Variants in B3GALNT2 observed in about 807,000 individuals in gnomAD.
The protein encoded by B3GALNT2 is beta-1,3-N-acetylgalactosaminyltransferase 2, also known as UDP-GalNAc:beta-1,3-N-acetylgalactosaminyltransferase 2.
In B3GALNT2, 53 loss-of-function variants were observed where a neutral mutation model predicts 61.1. That is an observed-to-expected ratio of 0.87 (90% confidence interval 0.70 to 1.09). The LOEUF is 1.09. Ranked by LOEUF, B3GALNT2 falls within the 50% of genes least tolerant of loss-of-function variation. The pLI, the probability that B3GALNT2 is intolerant of heterozygous loss-of-function variation, is 0.00. For missense variants in B3GALNT2, 544 were observed against 623.0 expected (o/e 0.87, Z 1.35); for synonymous variants, 223 against 237.4 (o/e 0.94, Z 0.56).
chr1:235,500,484 T>C (rs1685535765), intron 1 of B3GALNT2, among the ~76,000 whole-genome samples: 1 of 152,068 alleles, frequency 6.6e-6, no homozygotes, highest in Non-Finnish European at 1.5e-5. Flanking sequence ...TGCCTCAAAA[T>C]AATAATCAAA....
intron 7 of B3GALNT2, among the ~76,000 whole-genome samples, chr1:235,462,990 A>G (rs1349920713): frequency 6.6e-6 from 1 of 152,276 alleles, no homozygotes; most frequent in African/African-American, 2.4e-5. Context: ...AATGCCCATC[A>G]ATCAATGAGT....
chr1:235,445,413 G>T (rs1682183575), downstream of B3GALNT2, among the ~76,000 whole-genome samples: 1 of 152,160 alleles, frequency 6.6e-6, no homozygotes, highest in Non-Finnish European at 1.5e-5. Flanking sequence ...CAAATTGCTT[G>T]AGCCCAGGAG....
chr1:235,484,062 T>C (rs1299133988), intron 4 of B3GALNT2, among the ~76,000 whole-genome samples: 1 of 152,172 alleles, frequency 6.6e-6, no homozygotes, highest in African/African-American at 2.4e-5. Context: ...CCCTAGGTTT[T>C]AGGGAATTTT....
At chr1:235,497,400 T>C (rs1240567997) in intron 1 of B3GALNT2, among the ~76,000 whole-genome samples, 1 of 151,988 alleles carries the variant, frequency 6.6e-6, no homozygotes, top group Non-Finnish European at 1.5e-5. Context: ...AGAAAACTGA[T>C]ACAAAAAAAA....
chr1:235,473,203 G>A (rs183407915), intron 5 of B3GALNT2, among the ~76,000 whole-genome samples: 1,545 of 152,276 alleles, frequency 0.01, 32 homozygotes, highest in Non-Finnish European at 8.6e-3. Flanking sequence ...GTGAGCCACC[G>A]CCCAACCTTT....
In B3GALNT2 at chr1:235,474,987, A is replaced by ATTTTT. The variant is rs1160445883; in HGVS notation, c.652-4032_652-4028dup. ...TATATATATATATATATATATATAT[A>ATTTTT]TTTTTTTTTTTTTTTTTTTTTTTGA... is the stretch of plus-strand genomic sequence containing the variant. On this transcript the variant is annotated intron_variant, in intron 5 of 11. Coordinates refer to ENST00000366600, the MANE Select transcript of B3GALNT2 (RefSeq NM_152490.5). 5.3e-4 allele frequency among the ~76,000 whole-genome samples: 19 copies of ATTTTT among 35,572 alleles called. 3 individuals are homozygous for ATTTTT. The highest frequency in any genetic ancestry group is 2.1e-3 in the Admixed American group (4 of 1,936). The allele number at this position is 35,572 out of a possible 152,430, so 23.3% of individuals were successfully genotyped here.
chr1:235,486,325 C>A (rs553865311), intron 3 of B3GALNT2, among the ~76,000 whole-genome samples: 1 of 152,262 alleles, frequency 6.6e-6, no homozygotes, highest in Admixed American at 6.5e-5. Flanking sequence ...TAATGGACAA[C>A]AATACAATTT....
chr1:235,490,515 G>A (rs1299191284), intron 2 of B3GALNT2, among the ~76,000 whole-genome samples: 2 of 152,164 alleles, frequency 1.3e-5, no homozygotes, highest in South Asian at 2.1e-4. Flanking sequence ...ACAGGTGTGA[G>A]CCACTGTGTC....
chr1:235,497,722 C>A (rs1271528653), intron 1 of B3GALNT2, among the ~76,000 whole-genome samples: 1 of 152,184 alleles, frequency 6.6e-6, no homozygotes, highest in African/African-American at 2.4e-5. Flanking sequence ...GTCATTAATT[C>A]TAGCTGCTGC....
chr1:235,453,084 A>T lies in B3GALNT2; in HGVS notation c.1368+6T>A. On this transcript the variant is annotated splice_donor_region_variant and intron_variant, in intron 11 of 11. Transcript: ENST00000366600. ...AAGAACCCTGAGGCCATCCCCAAAGACTTACCTGGTATCTTTTAGGTCCTA... is the reference window on the plus strand; with the variant it reads ...AAGAACCCTGAGGCCATCCCCAAAGTCTTACCTGGTATCTTTTAGGTCCTA... 1.2e-6 allele frequency: 2 copies of T among 1,608,216 alleles called. 1 individual carries two copies. The highest frequency in any genetic ancestry group is 2.2e-5 in the South Asian group (2 of 90,938).
At chr1:235,479,776 T>G in intron 5 of B3GALNT2, 1 of 272,552 alleles carries the variant, frequency 3.7e-6, no homozygotes, top group East Asian at 6.9e-5. Flanking sequence ...TCCTTTGTCA[T>G]TAAAACAATT....
At chr1:235,477,619 C>T (rs1203201212) in intron 5 of B3GALNT2, among the ~76,000 whole-genome samples, 6 of 23,760 alleles carry the variant, frequency 2.5e-4, no homozygotes, top group South Asian at 1.5e-3. Flanking sequence ...TTTGCTGGGG[C>T]GGGGGTGGGG....
chr1:235,467,180 C>G (rs1209263518), intron 6 of B3GALNT2, among the ~76,000 whole-genome samples: 1 of 152,068 alleles, frequency 6.6e-6, no homozygotes, highest in Non-Finnish European at 1.5e-5. Flanking sequence ...AACCCTGTCT[C>G]TACTAAAAAT....
At chr1:235,482,939 C>T (rs58840556) in intron 4 of B3GALNT2, among the ~76,000 whole-genome samples, 3,813 of 152,156 alleles carry the variant, frequency 0.025, 74 homozygotes, top group African/African-American at 0.056. Flanking sequence ...TAAAGACAGA[C>T]GCTGAGATGA....
At position 235,458,765 on chromosome 1, in the gene B3GALNT2, T is replaced by C. The variant is rs2102790139; in HGVS notation, c.863A>G (p.Asn288Ser). Reference sequence around the variant, plus strand: ...AAGTCTTTGAGGGCGAGAATGAAGGTTGTGTAAGAGAGCATCACCTTCTAT... The same window carrying C: ...AAGTCTTTGAGGGCGAGAATGAAGGCTGTGTAAGAGAGCATCACCTTCTAT... ...TIQEGDALLH[N>S]LHSRPQRLID... The change falls in exon 8 of 12, where the codon AAC (asparagine) becomes AGC (serine). Residue 288 changes from asparagine to serine, a missense_variant. Asn to Ser is a conservative substitution (Grantham distance 46). Transcript: ENST00000366600. 6 of 1,598,778 alleles carry C rather than the reference T, an allele frequency of 3.8e-6. No homozygotes were observed. Among genetic ancestry groups the C allele is most frequent in the Admixed American group, 3.6e-5 (2 of 55,996 alleles).
intron 3 of B3GALNT2, among the ~76,000 whole-genome samples, chr1:235,485,929 T>C (rs1684784663): frequency 6.6e-6 from 1 of 152,032 alleles, no homozygotes; most frequent in Admixed American, 6.6e-5. Context: ...ACTCTGTCTC[T>C]ACGATACAAA....
At chr1:235,478,939 A>G (rs1472855196) in intron 5 of B3GALNT2, 1 of 152,036 alleles carries the variant, frequency 6.6e-6, no homozygotes, top group East Asian at 1.9e-4. Flanking sequence ...TTTATTTAAA[A>G]GTCGTTTTGT....
At position 235,448,706 on chromosome 1, in the gene B3GALNT2, A is replaced by G. The variant is rs1442654441; in HGVS notation, c.*1500T>C. ...AGAAATCGAGCTGGAAAATGACCTA[A>G]AGTCATTACAGTTTTATTCTGTGGA... On this transcript the variant is annotated 3_prime_UTR_variant, in exon 12 of 12. Coordinates refer to ENST00000366600, the MANE Select transcript of B3GALNT2 (RefSeq NM_152490.5). 2 of 1,613,940 alleles carry G rather than the reference A, an allele frequency of 1.2e-6. No individual in the cohort carries two copies. The highest frequency in any genetic ancestry group is 2.7e-5 in the African/African-American group (2 of 74,898).
At chr1:235,458,543 C>CAAAAA in intron 8 of B3GALNT2, 60 bp downstream of exon 8, 2 of 1,311,944 alleles carry the variant, frequency 1.5e-6, no homozygotes, top group Non-Finnish European at 2.0e-6. Flanking sequence ...GACCCCATCT[C>CAAAAA]AAAAAAAAAA....
Sources: gnomAD v4.1 joint callset for allele counts (sites outside exome capture counted in the v4.1 genomes callset) on GRCh38, gnomAD v4.1.1 for gene constraint, MANE v1.5 for transcripts, NCBI Gene and HGNC (gene_info 2026-07-23, HGNC 2026-07-21) for gene names.